TMEM272: variants seen among roughly 807,000 people sequenced by gnomAD.
TMEM272 encodes the protein long intergenic non-protein coding RNA 282.
A neutral mutation model predicts 3.7 loss-of-function variants in TMEM272; 8 were observed. The ratio of observed to expected loss-of-function variants is 2.17; its 90% confidence interval spans 1.27 to 3.91. The LOEUF is 3.91. Ranked by LOEUF, TMEM272 falls within the 30% of genes most tolerant of loss-of-function variation. The pLI is 0.00. For missense variants in TMEM272, 166 were observed against 91.5 expected (o/e 1.81, Z -3.32); for synonymous variants, 63 against 39.8 (o/e 1.58, Z -2.20).
the TMEM272 span, among the ~76,000 whole-genome samples, chr13:51,869,666 T>C: frequency 6.6e-6 from 1 of 152,064 alleles, no homozygotes; most frequent in East Asian, 1.9e-4. Context: ...ATTTTTGTAT[T>C]TTTAGTAGAG....
the TMEM272 span, chr13:51,865,443 G>C: frequency 1.2e-6 from 2 of 1,614,034 alleles, no homozygotes; most frequent in Admixed American, 1.7e-5. Context: ...AGATGGATGG[G>C]GCTTGCCTGC....
the TMEM272 span, among the ~76,000 whole-genome samples, chr13:51,896,587 G>C: frequency 3.3e-5 from 5 of 152,134 alleles, no homozygotes; most frequent in Admixed American, 1.3e-4. Flanking sequence ...CGGATGCCCT[G>C]AGAGGGGGAT....
the TMEM272 span, among the ~76,000 whole-genome samples, chr13:51,923,300 G>A: frequency 3.9e-5 from 6 of 152,314 alleles, no homozygotes; most frequent in South Asian, 2.1e-4. Flanking sequence ...CTGCCCCATC[G>A]CCTGTGATGG....
the TMEM272 span, among the ~76,000 whole-genome samples, chr13:51,915,021 A>G: frequency 6.6e-6 from 1 of 152,248 alleles, no homozygotes; most frequent in African/African-American, 2.4e-5. Flanking sequence ...ATTAGGTACA[A>G]AAGTGATGTT....
At chr13:51,827,928 G>C (rs987204273) in intron 2 of TMEM272, among the ~76,000 whole-genome samples, 1 of 152,324 alleles carries the variant, frequency 6.6e-6, no homozygotes, top group Admixed American at 6.5e-5. Context: ...TTCTCGCTCT[G>C]CTGACAGAAC....
At chr13:51,911,771 CCCTT>C in the TMEM272 span, among the ~76,000 whole-genome samples, 1 of 152,196 alleles carries the variant, frequency 6.6e-6, no homozygotes, top group Non-Finnish European at 1.5e-5. Flanking sequence ...ATCTGCCACT[CCCTT>C]GCCCACAGCC....
chr13:51,900,620 GA>G, the TMEM272 span, among the ~76,000 whole-genome samples: 1 of 152,072 alleles, frequency 6.6e-6, no homozygotes, highest in Non-Finnish European at 1.5e-5. Context: ...GTCTCTCCAA[GA>G]GAAATGAAAT....
the TMEM272 span, chr13:51,909,901 T>C: frequency 6.3e-7 from 1 of 1,599,740 alleles, no homozygotes; most frequent in Non-Finnish European, 8.6e-7. Flanking sequence ...ATTTTCTGTT[T>C]ATTAAGTTCA....
chr13:51,865,717 T>G, the TMEM272 span: 16 of 1,613,988 alleles, frequency 9.9e-6, no homozygotes, highest in Non-Finnish European at 1.4e-5. Flanking sequence ...TGGAAAAGTC[T>G]TTCAGGGAGG....
At chr13:51,857,644 G>A in the TMEM272 span, among the ~76,000 whole-genome samples, 44 of 151,960 alleles carry the variant, frequency 2.9e-4, no homozygotes, top group African/African-American at 1.0e-3. Flanking sequence ...TATAGCTAAT[G>A]ACATAATAGA....
the TMEM272 span, chr13:51,909,084 T>C: frequency 6.8e-7 from 1 of 1,474,582 alleles, no homozygotes; most frequent in Admixed American, 1.7e-5. Context: ...ATATGAGGAA[T>C]GCTCTCTGCC....
chr13:51,865,539 A>C, the TMEM272 span: 1 of 1,614,226 alleles, frequency 6.2e-7, no homozygotes, highest in Non-Finnish European at 8.5e-7. Flanking sequence ...TTTCGCGAAG[A>C]GATGAAAATT....
chr13:51,869,544 C>T, the TMEM272 span, among the ~76,000 whole-genome samples: 1 of 149,766 alleles, frequency 6.7e-6, no homozygotes, highest in Non-Finnish European at 1.5e-5. Flanking sequence ...GGCTGGAGTG[C>T]AGTGGCACGA....
the TMEM272 span, among the ~76,000 whole-genome samples, chr13:51,924,325 C>T: frequency 6.6e-6 from 1 of 152,180 alleles, no homozygotes; most frequent in African/African-American, 2.4e-5. Context: ...GAGGCCAAGG[C>T]AGGAGGATCA....
At chr13:51,890,292 G>A in the TMEM272 span, among the ~76,000 whole-genome samples, 1 of 152,260 alleles carries the variant, frequency 6.6e-6, no homozygotes, top group East Asian at 1.9e-4. Flanking sequence ...CATGAGGGTG[G>A]ATCCCTCATG....
At chr13:51,875,623 G>A in the TMEM272 span, among the ~76,000 whole-genome samples, 1 of 152,274 alleles carries the variant, frequency 6.6e-6, no homozygotes, top group South Asian at 2.1e-4. Context: ...ACCAGACTCT[G>A]ACTTGGCCCA....
At chr13:51,872,417 C>G in the TMEM272 span, among the ~76,000 whole-genome samples, 1 of 151,894 alleles carries the variant, frequency 6.6e-6, no homozygotes, top group Admixed American at 6.6e-5. Context: ...GAGAGAGAGG[C>G]TTAGACCAGG....
At chr13:51,831,730 A>G (rs1398448166) in intron 2 of TMEM272, among the ~76,000 whole-genome samples, 3 of 152,224 alleles carry the variant, frequency 2.0e-5, no homozygotes, top group African/African-American at 7.2e-5. Flanking sequence ...GCTCTCTGGA[A>G]CAGAGGCTGA....
the TMEM272 span, among the ~76,000 whole-genome samples, chr13:51,854,381 G>A: frequency 2.0e-5 from 3 of 152,186 alleles, no homozygotes; most frequent in Non-Finnish European, 4.4e-5. Flanking sequence ...TCACTTTCCA[G>A]GTATTGAGAC....
Sources: gnomAD v4.1 joint callset for allele counts (sites outside exome capture counted in the v4.1 genomes callset) on GRCh38, gnomAD v4.1.1 for gene constraint, MANE v1.5 for transcripts, NCBI Gene and HGNC (gene_info 2026-07-23, HGNC 2026-07-21) for gene names.